The following CREBRF variants were observed in gnomAD, a reference collection of about 807,000 sequenced individuals.
The protein encoded by CREBRF is UPF0474 protein C5orf41.
Under a neutral mutation model 66.1 loss-of-function variants are expected in CREBRF, and 5 were observed. The observed-to-expected ratio is 0.08, with a 90% CI of 0.04 to 0.16. The LOEUF (loss-of-function observed/expected upper bound fraction) is 0.16, where lower values mean the gene tolerates loss of function less well. Among genes scored for constraint, CREBRF ranks in the 10% least tolerant of loss-of-function variants. The probability of loss-of-function intolerance (pLI) is 1.00; values close to 1 mark genes in which losing one functional copy is unlikely to be tolerated. For synonymous variants in CREBRF, 229 were observed against 264.4 expected (o/e 0.87, Z 1.30); for missense variants, 531 against 744.9 (o/e 0.71, Z 3.34).
Position 173,138,938 on chromosome 5 carries a change from A to C in CREBRF, c.*5193A>C, listed in dbSNP as rs1168605354. 6.6e-6 allele frequency: 1 copy of C among 152,180 alleles called. No homozygotes were observed. Among genetic ancestry groups the C allele is most frequent in the African/African-American group, 2.4e-5 (1 of 41,444 alleles). The allele number at this position is 152,180 out of a possible 1,614,324, so 9.4% of individuals were successfully genotyped here. On this transcript the variant is annotated 3_prime_UTR_variant, in exon 9 of 9. Coordinates refer to ENST00000296953, the MANE Select transcript of CREBRF (RefSeq NM_153607.3). ...AAAGCATTTGTTCATACAATGTGGC[A>C]ACCTCTTTTGCATAGTTGCGTAGGA...
At chr5:173,116,010 G>T (rs1758981418) in intron 7 of CREBRF, among the ~76,000 whole-genome samples, 1 of 152,136 alleles carries the variant, frequency 6.6e-6, no homozygotes, top group Non-Finnish European at 1.5e-5. Context: ...CAAATCACTG[G>T]TTTTTACACC....
At chr5:173,122,513 CT>C (rs570872361) in intron 7 of CREBRF, among the ~76,000 whole-genome samples, 36 of 136,590 alleles carry the variant, frequency 2.6e-4, no homozygotes, top group African/African-American at 2.9e-4. Context: ...TTCTCCATTT[CT>C]TTTTTTTTTT....
At chr5:173,098,878 C>CTT (rs543027649) in intron 4 of CREBRF, among the ~76,000 whole-genome samples, 30 of 136,798 alleles carry the variant, frequency 2.2e-4, no homozygotes, top group South Asian at 9.4e-4. Context: ...TATTTTTTTA[C>CTT]TTTTTTTTTT....
At position 173,091,291 on chromosome 5, in the gene CREBRF, A is replaced by T; in HGVS notation, c.1112A>T (p.Glu371Val). ...GATGTTGATGATGAGGACCATGATG[A>T]AGGATTCGGCAGTGAGCATGAACTG... ...EEDVDDEDHD[E>V]GFGSEHELSE... Residue 371 changes from glutamate to valine, a missense_variant, in exon 4 of 9, where the codon GAA (glutamate) becomes GTA (valine). Physicochemically the swap from Glu to Val is moderately radical, Grantham distance 121 (BLOSUM62 -2). Coordinates refer to ENST00000296953, the MANE Select transcript of CREBRF (RefSeq NM_153607.3). 1.2e-6 allele frequency: 2 copies of T among 1,613,694 alleles called. No homozygotes were observed. The highest frequency in any genetic ancestry group is 2.2e-5 in the South Asian group (2 of 91,032).
intron 2 of CREBRF, chr5:173,086,087 G>T: frequency 1.2e-6 from 1 of 831,406 alleles, no homozygotes; most frequent in South Asian, 1.3e-5. Flanking sequence ...TCATAACTGT[G>T]ACTGCATAGT....
intron 4 of CREBRF, among the ~76,000 whole-genome samples, chr5:173,102,042 C>A (rs985234616): frequency 1.3e-5 from 2 of 152,070 alleles, no homozygotes; most frequent in Admixed American, 6.6e-5. Flanking sequence ...GAGCTCACTG[C>A]TTCTTTCTTC....
intron 1 of CREBRF, among the ~76,000 whole-genome samples, chr5:173,065,145 G>C (rs959485664): frequency 6.6e-6 from 1 of 152,168 alleles, no homozygotes; most frequent in Non-Finnish European, 1.5e-5. Flanking sequence ...AAAATGTTCT[G>C]AAATATGGAA....
chr5:173,101,287 G>T (rs1758622394), intron 4 of CREBRF, among the ~76,000 whole-genome samples: 2 of 151,864 alleles, frequency 1.3e-5, no homozygotes, highest in Admixed American at 1.3e-4. Context: ...ATACTCCTGG[G>T]CTGAAGCATT....
Position 173,136,596 on chromosome 5 carries a change from G to C in CREBRF, c.*2851G>C, listed in dbSNP as rs2113820719. 1 of 152,530 alleles carries C rather than the reference G, an allele frequency of 6.6e-6. No individual in the cohort carries two copies. The highest frequency in any genetic ancestry group is 1.9e-4 in the East Asian group (1 of 5,192). The allele number at this position is 152,530 out of a possible 1,614,324, so 9.4% of individuals were successfully genotyped here. A position where few individuals can be genotyped will look rare whatever the true frequency, so the allele number is the denominator to read the frequency against. ...CTGTGCAGCTTTACATTTTAACCAG[G>C]GGACTCTGTGGCATTTAAAACCGTC... is the stretch of plus-strand genomic sequence containing the variant. On this transcript the variant is annotated 3_prime_UTR_variant, in exon 9 of 9. Transcript: ENST00000296953.
intron 4 of CREBRF, among the ~76,000 whole-genome samples, chr5:173,099,163 T>A (rs1236418215): frequency 2.0e-5 from 3 of 152,182 alleles, no homozygotes; most frequent in Non-Finnish European, 4.4e-5. Flanking sequence ...ATGCATCCTT[T>A]TTATTTTTTT....
intron 3 of CREBRF, among the ~76,000 whole-genome samples, chr5:173,086,832 A>G (rs945357664): frequency 1.3e-5 from 2 of 152,022 alleles, no homozygotes; most frequent in African/African-American, 4.8e-5. Context: ...GCTATAGTGC[A>G]GTGGTGTGAT....
chr5:173,067,265 C>A (rs1184871198), intron 1 of CREBRF, among the ~76,000 whole-genome samples: 2 of 152,140 alleles, frequency 1.3e-5, no homozygotes, highest in Non-Finnish European at 2.9e-5. Flanking sequence ...TTTTAGATAT[C>A]TCTTTTAACA....
At chr5:173,066,393 A>C (rs1312884257) in intron 1 of CREBRF, among the ~76,000 whole-genome samples, 1 of 152,192 alleles carries the variant, frequency 6.6e-6, no homozygotes, top group African/African-American at 2.4e-5. Flanking sequence ...GTTTGATAAC[A>C]AAGTCCAATT....
intron 8 of CREBRF, 50 bp downstream of exon 8, chr5:173,123,252 T>A (rs1759185130): frequency 6.5e-7 from 1 of 1,544,130 alleles, no homozygotes; most frequent in Non-Finnish European, 8.7e-7. Context: ...ATGTGTAAGA[T>A]GTATGATTTA....
At position 173,094,323 on chromosome 5, in the gene CREBRF, A is replaced by G. The variant is rs148178730; in HGVS notation, c.1222+2922A>G. 6.5e-3 allele frequency among the ~76,000 whole-genome samples: 986 copies of G among 152,322 alleles called. 22 individuals carry two copies. Among genetic ancestry groups the G allele is most frequent in the African/African-American group, 0.022 (925 of 41,578 alleles). On this transcript the variant is annotated intron_variant, in intron 4 of 8. Transcript: ENST00000296953. Reference sequence around the variant, plus strand: ...CCCAGAAGTGGGATTGCTGGATCATATGATCGTTCTATTTTTAATTTTTTG... The same window carrying G: ...CCCAGAAGTGGGATTGCTGGATCATGTGATCGTTCTATTTTTAATTTTTTG...
At chr5:173,058,786 CTTTTTTTTTTTTTTTTT>C (rs70984932) in intron 1 of CREBRF, among the ~76,000 whole-genome samples, 6 of 64,056 alleles carry the variant, frequency 9.4e-5, no homozygotes, top group Non-Finnish European at 1.9e-4. Flanking sequence ...CGCCCAGCCT[CTTTTTTTTTTTTTTTTT>C]TTTTTTTTTT....
At chr5:173,100,338 G>GT (rs1156716280) in intron 4 of CREBRF, among the ~76,000 whole-genome samples, 1 of 151,170 alleles carries the variant, frequency 6.6e-6, no homozygotes, top group Admixed American at 6.6e-5. Context: ...CATTAAAAGT[G>GT]TTTTGCATAC....
chr5:173,057,055 C>T (rs922469542), intron 1 of CREBRF, among the ~76,000 whole-genome samples: 1 of 147,276 alleles, frequency 6.8e-6, no homozygotes, highest in South Asian at 2.2e-4. Context: ...AGCCGCTCCC[C>T]CTTCTGTCCC....
intron 4 of CREBRF, among the ~76,000 whole-genome samples, chr5:173,101,845 G>A (rs1438564065): frequency 6.6e-6 from 1 of 152,040 alleles, no homozygotes. Context: ...CACCGCGCCC[G>A]GCCTGTCATT....
Sources: allele counts gnomAD v4.1 joint callset (sites outside exome capture counted in the v4.1 genomes callset), GRCh38; gene constraint gnomAD v4.1.1; transcripts MANE v1.5; gene names NCBI Gene and HGNC (gene_info 2026-07-23, HGNC 2026-07-21).